Variants in RABGAP1L observed in about 807,000 individuals in gnomAD.
RABGAP1L encodes rab GTPase-activating protein 1-like.
A neutral mutation model predicts 137.7 loss-of-function variants in RABGAP1L; 63 were observed. The observed-to-expected ratio is 0.46, with a 90% CI of 0.37 to 0.56. The LOEUF (loss-of-function observed/expected upper bound fraction) is 0.56. Ranked by LOEUF, RABGAP1L falls within the 20% of genes least tolerant of loss-of-function variation. RABGAP1L has a pLI of 0.00. For missense variants in RABGAP1L, 1,095 were observed against 1,244.0 expected, an observed-to-expected ratio of 0.88 and a Z score of 1.80; for synonymous variants, 431 against 433.7, an observed-to-expected ratio of 0.99 and a Z score of 0.08.
rs569433674 is a variant in RABGAP1L at position 174,773,515 on chromosome 1, G to A, written c.2211+21161G>A. On this transcript the variant is annotated intron_variant, in intron 18 of 25. Transcript: ENST00000681986. ...TGACATCATACTATGAGTGAAAACA[G>A]GTTTTTTAATTCAAGTTGTTTGAAT... 3.3e-5 allele frequency among the ~76,000 whole-genome samples: 5 copies of A among 152,222 alleles called. No individual in the cohort carries two copies. In the South Asian group the frequency reaches 1.0e-3, roughly 32 times the overall value.
At chr1:174,950,841 A>G (rs1667589062) in intron 19 of RABGAP1L, among the ~76,000 whole-genome samples, 1 of 152,186 alleles carries the variant, frequency 6.6e-6, no homozygotes, top group African/African-American at 2.4e-5. Context: ...ACTTCTGAAA[A>G]TGTTAACTTG....
chr1:174,193,792 C>T (rs1667376095), intron 1 of RABGAP1L, among the ~76,000 whole-genome samples: 1 of 152,096 alleles, frequency 6.6e-6, no homozygotes, highest in African/African-American at 2.4e-5. Context: ...GAATACCTGT[C>T]ATTTGAAATA....
intron 11 of RABGAP1L, among the ~76,000 whole-genome samples, chr1:174,311,688 C>T (rs1475152636): frequency 3.9e-5 from 6 of 152,114 alleles, no homozygotes; most frequent in Admixed American, 1.3e-4. Context: ...CTCACTGCAA[C>T]CTCCGCCTCT....
intron 13 of RABGAP1L, among the ~76,000 whole-genome samples, chr1:174,439,874 C>G (rs553463028): frequency 1.3e-5 from 2 of 152,202 alleles, no homozygotes; most frequent in Non-Finnish European, 2.9e-5. Context: ...AGATGTTGCT[C>G]TCCTCATGGG....
intron 13 of RABGAP1L, among the ~76,000 whole-genome samples, chr1:174,539,300 T>A (rs1393445232): frequency 3.9e-5 from 6 of 152,106 alleles, no homozygotes; most frequent in Non-Finnish European, 7.4e-5. Flanking sequence ...TTTTATTATT[T>A]TCTTTATTAT....
At chr1:174,646,176 T>C (rs1674954412) in intron 14 of RABGAP1L, among the ~76,000 whole-genome samples, 1 of 152,150 alleles carries the variant, frequency 6.6e-6, no homozygotes, top group Non-Finnish European at 1.5e-5. Flanking sequence ...TGTTCACTGA[T>C]GATAAGTTTC....
chr1:174,550,746 G>A (rs1317781380), intron 13 of RABGAP1L, among the ~76,000 whole-genome samples: 5 of 149,922 alleles, frequency 3.3e-5, no homozygotes, highest in East Asian at 2.0e-4. Flanking sequence ...CAAGCTGGGC[G>A]CGGTGGCTCA....
intron 18 of RABGAP1L, among the ~76,000 whole-genome samples, chr1:174,807,725 C>G (rs75629599): frequency 0.021 from 3,194 of 152,192 alleles, 123 homozygotes; most frequent in African/African-American, 0.074. Flanking sequence ...TTTTCGTTCA[C>G]AATGAAATTA....
chr1:174,549,890 A>G (rs1666296020), intron 13 of RABGAP1L, among the ~76,000 whole-genome samples: 1 of 152,104 alleles, frequency 6.6e-6, no homozygotes, highest in Non-Finnish European at 1.5e-5. Flanking sequence ...AGAGTAAGCC[A>G]GGTGCAGTGG....
At chr1:174,439,146 G>A (rs184447918) in intron 13 of RABGAP1L, among the ~76,000 whole-genome samples, 325 of 151,920 alleles carry the variant, frequency 2.1e-3, no homozygotes, top group Non-Finnish European at 3.1e-3. Context: ...CCAGTCTCGG[G>A]AAGAAAGCAT....
At chr1:174,420,995 A>G (rs10798313) in intron 13 of RABGAP1L, among the ~76,000 whole-genome samples, 53,715 of 151,928 alleles carry the variant, frequency 0.35, 12,132 homozygotes, top group African/African-American at 0.64. Context: ...TTTATAGGGC[A>G]TGAAGCTTAT....
At chr1:174,616,078 G>A (rs1469290541) in intron 13 of RABGAP1L, among the ~76,000 whole-genome samples, 2 of 152,224 alleles carry the variant, frequency 1.3e-5, no homozygotes, top group Non-Finnish European at 2.9e-5. Context: ...ACAGTGCGCT[G>A]CACCCACTGT....
At chr1:174,318,043 C>T (rs1679557882) in intron 11 of RABGAP1L, among the ~76,000 whole-genome samples, 1 of 132,060 alleles carries the variant, frequency 7.6e-6, no homozygotes, top group Non-Finnish European at 1.6e-5. Context: ...CAGTTCAGGA[C>T]TGTTTTTTTT....
chr1:174,729,782 C>T (rs1342990572), intron 17 of RABGAP1L, among the ~76,000 whole-genome samples: 13 of 152,088 alleles, frequency 8.5e-5, no homozygotes, highest in Non-Finnish European at 1.2e-4. Flanking sequence ...ATCTCACACC[C>T]ATCAACATGG....
chr1:174,821,832 T>G (rs990565473), intron 19 of RABGAP1L, among the ~76,000 whole-genome samples: 20 of 152,358 alleles, frequency 1.3e-4, no homozygotes, highest in African/African-American at 4.8e-4. Flanking sequence ...TCACTTTTGA[T>G]TAAAACACAT....
At chr1:174,745,389 G>T (rs988982599) in intron 17 of RABGAP1L, among the ~76,000 whole-genome samples, 6 of 152,166 alleles carry the variant, frequency 3.9e-5, no homozygotes, top group Non-Finnish European at 7.4e-5. Context: ...ACCATAGTCT[G>T]CCCAGGTTGA....
intron 15 of RABGAP1L, among the ~76,000 whole-genome samples, chr1:174,692,996 T>G (rs1252149675): frequency 6.6e-6 from 1 of 152,190 alleles, no homozygotes; most frequent in Non-Finnish European, 1.5e-5. Flanking sequence ...TCCAAAATCA[T>G]GTATTTCTCC....
At chr1:174,192,854 T>C (rs1295634859) in intron 1 of RABGAP1L, among the ~76,000 whole-genome samples, 2 of 152,188 alleles carry the variant, frequency 1.3e-5, no homozygotes, top group Non-Finnish European at 2.9e-5. Context: ...CATGTCACCA[T>C]TGGGCTTCAG....
At chr1:174,890,500 C>T (rs1252307697) in intron 19 of RABGAP1L, among the ~76,000 whole-genome samples, 1 of 152,148 alleles carries the variant, frequency 6.6e-6, no homozygotes, top group Admixed American at 6.5e-5. Flanking sequence ...AAGATGTAGA[C>T]ACTTTTTAAA....
Sources: allele counts gnomAD v4.1 joint callset (sites outside exome capture counted in the v4.1 genomes callset), GRCh38; gene constraint gnomAD v4.1.1; transcripts MANE v1.5; gene names NCBI Gene and HGNC (gene_info 2026-07-23, HGNC 2026-07-21).